PRKAR2A: variants seen among roughly 807,000 people sequenced by gnomAD.
The protein encoded by PRKAR2A is protein kinase cAMP-dependent type II regulatory subunit alpha, also known as cAMP-dependent protein kinase type II-alpha regulatory subunit.
A neutral mutation model predicts 51.9 loss-of-function variants in PRKAR2A; 29 were observed. The ratio of observed to expected loss-of-function variants is 0.56; its 90% confidence interval spans 0.42 to 0.76. PRKAR2A has a LOEUF of 0.76. Ranked by LOEUF, PRKAR2A falls within the 30% of genes least tolerant of loss-of-function variation. PRKAR2A has a pLI of 0.00. For missense variants in PRKAR2A, 445 were observed against 512.1 expected (o/e 0.87, Z 1.26); for synonymous variants, 178 against 186.2 (o/e 0.96, Z 0.36).
chr3:48,823,019 G>A (rs903352262), intron 1 of PRKAR2A, among the ~76,000 whole-genome samples: 1 of 151,660 alleles, frequency 6.6e-6, no homozygotes, highest in Non-Finnish European at 1.5e-5. Context: ...TAAAGCAAAC[G>A]TACTGCATAC....
intron 6 of PRKAR2A, among the ~76,000 whole-genome samples, chr3:48,765,839 T>C (rs1486337863): frequency 1.3e-5 from 2 of 151,608 alleles, no homozygotes; most frequent in African/African-American, 4.8e-5. Flanking sequence ...AACAATTAGA[T>C]TGTTCTTGCC....
intron 4 of PRKAR2A, among the ~76,000 whole-genome samples, chr3:48,785,540 G>A (rs1053126086): frequency 1.3e-5 from 2 of 152,064 alleles, no homozygotes; most frequent in Admixed American, 6.6e-5. Flanking sequence ...GATTACAGGC[G>A]TGAGCCACCG....
intron 8 of PRKAR2A, among the ~76,000 whole-genome samples, chr3:48,759,693 C>G (rs1342452897): frequency 6.6e-6 from 1 of 152,096 alleles, no homozygotes; most frequent in Non-Finnish European, 1.5e-5. Context: ...GGCCAAGTAT[C>G]CTGCTTTTCA....
chr3:48,753,779 T>G (rs1238834930), intron 9 of PRKAR2A, among the ~76,000 whole-genome samples: 1 of 152,220 alleles, frequency 6.6e-6, no homozygotes, highest in African/African-American at 2.4e-5. Context: ...GCTGCTGATC[T>G]TATGCACCTA....
intron 9 of PRKAR2A, 147 bp from the exon 10 acceptor site, chr3:48,752,464 A>G: frequency 1.2e-6 from 1 of 865,194 alleles, no homozygotes; most frequent in South Asian, 1.9e-5. Context: ...GTACCATGTA[A>G]ACTCCATGGA....
intron 5 of PRKAR2A, among the ~76,000 whole-genome samples, chr3:48,778,172 T>C (rs1005252798): frequency 1.3e-5 from 2 of 152,170 alleles, no homozygotes; most frequent in Non-Finnish European, 2.9e-5. Flanking sequence ...TCTTTTTTGT[T>C]TTGTAGAGAC....
chr3:48,800,534 A>C (rs1244472900), intron 2 of PRKAR2A, among the ~76,000 whole-genome samples: 1 of 146,306 alleles, frequency 6.8e-6, no homozygotes, highest in African/African-American at 2.5e-5. Flanking sequence ...AACTATATAC[A>C]CACACACACA....
intron 2 of PRKAR2A, among the ~76,000 whole-genome samples, chr3:48,803,737 T>C (rs1360695685): frequency 1.3e-5 from 2 of 152,102 alleles, no homozygotes; most frequent in South Asian, 2.1e-4. Context: ...AAAATTTATT[T>C]TAAAAGGCCA....
chr3:48,751,227 A>G lies in PRKAR2A; in HGVS notation c.*358T>C, dbSNP rs2081642286. The G allele has an allele frequency of 2.2e-6, 1 of 459,234 alleles. No individual in the cohort carries two copies. The highest frequency in any genetic ancestry group is 2.0e-5 in the African/African-American group (1 of 50,338). The allele number at this position is 459,234 out of a possible 1,614,324, so 28.4% of individuals were successfully genotyped here. On this transcript the variant is annotated 3_prime_UTR_variant, in exon 11 of 11. Coordinates refer to ENST00000265563, the MANE Select transcript of PRKAR2A (RefSeq NM_004157.4). ...TCTGCAGACCCTGTGGTAACTTCCA[A>G]AAGCAAGAGTAGCAGCAAGAGAGGA...
intron 6 of PRKAR2A, 85 bp downstream of exon 6, chr3:48,772,870 T>G (rs2082048526): frequency 1.1e-5 from 15 of 1,342,584 alleles, no homozygotes; most frequent in Non-Finnish European, 1.5e-5. Flanking sequence ...CTGTAAGATA[T>G]AGTGTAAATC....
In PRKAR2A at chr3:48,751,649, T is replaced by C; in HGVS notation, c.1151A>G (p.His384Arg). Reference sequence around the variant, plus strand: ...CATCTTCACCAGCTGTTCCTCATAGTGTGAGATGTTCCTCTTCATGATGTC... The same window carrying C: ...CATCTTCACCAGCTGTTCCTCATAGCGTGAGATGTTCCTCTTCATGATGTC... ...CMDIMKRNIS[H>R]YEEQLVKMFG... Residue 384 changes from histidine to arginine, a missense_variant, in exon 11 of 11, where the codon CAC (histidine) becomes CGC (arginine). Coordinates refer to ENST00000265563, the MANE Select transcript of PRKAR2A (RefSeq NM_004157.4). 1 of 1,614,062 alleles carries C rather than the reference T, an allele frequency of 6.2e-7. No homozygotes were observed.
rs116477737 is a variant in PRKAR2A, at chr3:48,822,685, G to A, written c.263-15001C>T. Among the ~76,000 whole-genome samples the A allele has an allele frequency of 3.1e-3, 468 of 150,374 alleles. 2 individuals carry two copies. Among genetic ancestry groups the A allele is most frequent in the African/African-American group, 0.011 (456 of 41,052 alleles). ...CATCTGAATCATGCAATAATATGCA[G>A]ATCCCAAGTCAAATGTGTTCATGAT... On this transcript the variant is annotated intron_variant, in intron 1 of 10. Coordinates refer to ENST00000265563, the MANE Select transcript of PRKAR2A (RefSeq NM_004157.4).
At chr3:48,803,732 T>G (rs2082626702) in intron 2 of PRKAR2A, among the ~76,000 whole-genome samples, 1 of 152,102 alleles carries the variant, frequency 6.6e-6, no homozygotes, top group Admixed American at 6.5e-5. Flanking sequence ...GGCCTAAAAT[T>G]TATTTTAAAA....
chr3:48,821,135 C>T (rs116702895), intron 1 of PRKAR2A, among the ~76,000 whole-genome samples: 6 of 152,130 alleles, frequency 3.9e-5, no homozygotes, highest in Non-Finnish European at 8.8e-5. Flanking sequence ...AGAGAAAGAA[C>T]GTCTCCCTAA....
At chr3:48,800,519 A>T (rs1259741189) in intron 2 of PRKAR2A, among the ~76,000 whole-genome samples, 1 of 151,344 alleles carries the variant, frequency 6.6e-6, no homozygotes, top group Admixed American at 6.6e-5. Context: ...CTCAAAAAAA[A>T]AAAAAACTAT....
At position 48,829,590 on chromosome 3, in the gene PRKAR2A, A is replaced by ACACACACATAAATGTGTGTATACGTGTG. The variant is rs1477522468; in HGVS notation, c.262+17744_262+17745insCACACGTATACACACATTTATGTGTGTG. Among the ~76,000 whole-genome samples, 3 of 35,648 alleles carry ACACACACATAAATGTGTGTATACGTGTG rather than the reference A, an allele frequency of 8.4e-5. 1 individual carries two copies. The highest frequency in any genetic ancestry group is 4.1e-4 in the Admixed American group (2 of 4,842). The allele number at this position is 35,648 out of a possible 152,430, so 23.4% of individuals were successfully genotyped here. ...CACACATAAATATATATGTGTGTAT[A>ACACACACATAAATGTGTGTATACGTGTG]TATACACACACATAAATGTGTGTGT... On this transcript the variant is annotated intron_variant, in intron 1 of 10. Coordinates refer to ENST00000265563, the MANE Select transcript of PRKAR2A (RefSeq NM_004157.4).
intron 3 of PRKAR2A, among the ~76,000 whole-genome samples, chr3:48,792,454 TC>T (rs2082405622): frequency 1.6e-5 from 2 of 123,436 alleles, no homozygotes; most frequent in Non-Finnish European, 3.4e-5. Context: ...AAAGGTTTAA[TC>T]TTTTTTTTTT....
rs541454235 is a variant in PRKAR2A, at chr3:48,765,018, G to A, written c.859C>T (p.Arg287Cys). 7 of 1,613,992 alleles carry A rather than the reference G, an allele frequency of 4.3e-6. No homozygotes were observed. The highest frequency in any genetic ancestry group is 2.2e-5 in the East Asian group (1 of 44,878). ...CCCTCACTCACCTGAGTGATTATGC[G>A]TTCTCCATCCTTATAGATCTTCTCT... The part of the protein sequence containing the change: ...IGEKIYKDGE[R>C]IITQGEKADS... Residue 287 changes from arginine (R) to cysteine (C), a missense_variant, in exon 8 of 11, where the codon CGC becomes TGC. By Grantham distance (180) the Arg-to-Cys change is radical (BLOSUM62 -3). Transcript: ENST00000265563.
At chr3:48,772,432 C>G (rs1212102764) in intron 6 of PRKAR2A, among the ~76,000 whole-genome samples, 1 of 152,066 alleles carries the variant, frequency 6.6e-6, no homozygotes, top group Non-Finnish European at 1.5e-5. Flanking sequence ...GTCTCGAACT[C>G]CTGACCTCAA....
Sources: allele counts gnomAD v4.1 joint callset (sites outside exome capture counted in the v4.1 genomes callset), GRCh38; gene constraint gnomAD v4.1.1; transcripts MANE v1.5; gene names NCBI Gene and HGNC (gene_info 2026-07-23, HGNC 2026-07-21).